TMEM165: variants seen among roughly 807,000 people sequenced by gnomAD.
TMEM165 encodes transmembrane protein 165.
Under a neutral mutation model 30.0 loss-of-function variants are expected in TMEM165, and 19 were observed. That is an observed-to-expected ratio of 0.63 (90% CI 0.44 to 0.93). The LOEUF (loss-of-function observed/expected upper bound fraction) is 0.93, where lower values mean the gene tolerates loss of function less well. TMEM165 is among the 40% of genes least tolerant of loss of function. The probability of loss-of-function intolerance (pLI) is 0.00; values close to 1 mark genes in which losing one functional copy is unlikely to be tolerated. For synonymous variants in TMEM165, 168 were observed against 162.9 expected, an observed-to-expected ratio of 1.03 and a Z score of -0.24; for missense variants, 340 against 417.0, an observed-to-expected ratio of 0.82 and a Z score of 1.61.
chr4:55,408,235 A>T (rs1350977761), intron 1 of TMEM165, among the ~76,000 whole-genome samples: 6 of 152,260 alleles, frequency 3.9e-5, no homozygotes, highest in Admixed American at 3.9e-4. Context: ...CCAGCTTAGT[A>T]TGTAACAAGC....
chr4:55,417,371 C>A, intron 3 of TMEM165, 124 bp downstream of exon 3: 2 of 980,154 alleles, frequency 2.0e-6, no homozygotes, highest in Non-Finnish European at 2.9e-6. Context: ...GCTTCTTTTG[C>A]TTTGTTCTGT....
In TMEM165 at chr4:55,400,043, CTA is replaced by C. The variant is rs1414635280; in HGVS notation, c.207+3649_207+3650del. ...TTTTTTTTTTAGAGACAGGGTCTCA[CTA>C]TGTTGCTCAGCCTGCCCTCAAACTC... On this transcript the variant is annotated intron_variant, in intron 1 of 5. Coordinates refer to ENST00000381334, the MANE Select transcript of TMEM165 (RefSeq NM_018475.5). Among the ~76,000 whole-genome samples the C allele has an allele frequency of 2.1e-5, 3 of 139,894 alleles. No individual in the cohort carries two copies. The East Asian group carries it at 6.2e-4, about 29-fold the overall frequency. The allele number at this position is 139,894 out of a possible 152,430, so 91.8% of individuals were successfully genotyped here.
intron 3 of TMEM165, among the ~76,000 whole-genome samples, chr4:55,450,781 AC>A (rs957198561): frequency 6.1e-5 from 9 of 148,076 alleles, no homozygotes; most frequent in African/African-American, 2.2e-4. Context: ...AAAAAAAAAA[AC>A]ATTAACTCAA....
At chr4:55,430,386 A>G (rs1338595112), downstream of TMEM165, 1 of 152,216 alleles carries the variant, frequency 6.6e-6, no homozygotes, top group Non-Finnish European at 1.5e-5. Context: ...TAGTGTTATG[A>G]CATAGGGGGA....
intron 3 of TMEM165, chr4:55,435,129 T>G (rs888600636): frequency 4.8e-6 from 2 of 413,888 alleles, no homozygotes; most frequent in African/African-American, 4.1e-5. Flanking sequence ...TAGCTGAGCT[T>G]CTTAATATTT....
At chr4:55,423,896 G>C (rs1722090489) in intron 4 of TMEM165, 1 of 152,506 alleles carries the variant, frequency 6.6e-6, no homozygotes, top group Non-Finnish European at 1.5e-5. Context: ...TGGTTGTCTG[G>C]TACTGCTGGC....
intron 4 of TMEM165, among the ~76,000 whole-genome samples, chr4:55,420,896 TTTTTTC>T (rs1171589501): frequency 2.0e-5 from 3 of 152,252 alleles, no homozygotes; most frequent in East Asian, 3.9e-4. Context: ...TGTCGTTTTG[TTTTTTC>T]TTTTTAAGAC....
At chr4:55,402,554 TCTCATGC>T (rs1721065702) in intron 1 of TMEM165, among the ~76,000 whole-genome samples, 2 of 137,880 alleles carry the variant, frequency 1.5e-5, no homozygotes, top group African/African-American at 5.8e-5. Flanking sequence ...TTCATGCAAT[TCTCATGC>T]CTCAGCCTCC....
At chr4:55,443,933 A>G (rs777310240) in intron 3 of TMEM165, 2 of 1,574,068 alleles carry the variant, frequency 1.3e-6, no homozygotes, top group Non-Finnish European at 1.7e-6. Flanking sequence ...TGAGCTTTGT[A>G]GATTGAAAAG....
At chr4:55,420,207 C>G (rs929791635) in intron 4 of TMEM165, among the ~76,000 whole-genome samples, 1 of 146,240 alleles carries the variant, frequency 6.8e-6, no homozygotes, top group South Asian at 2.3e-4. Context: ...CTTTTATTGG[C>G]TCTCAGATTG....
intron 3 of TMEM165, chr4:55,435,043 A>C (rs1432840940): frequency 3.1e-6 from 1 of 321,220 alleles, no homozygotes; most frequent in Non-Finnish European, 6.1e-6. Flanking sequence ...CCTCTGTAAC[A>C]CTTGATAAGA....
In TMEM165 at chr4:55,411,746, T is replaced by A. The variant is rs1721507523; in HGVS notation, c.340T>A (p.Phe114Ile). 6.2e-7 allele frequency: 1 copy of A among 1,614,218 alleles called. No individual in the cohort carries two copies. Among genetic ancestry groups the A allele is most frequent in the East Asian group, 2.2e-5 (1 of 44,880 alleles). Residue 114 changes from phenylalanine to isoleucine, a missense_variant, in exon 2 of 6, where the codon TTT (phenylalanine) becomes ATT (isoleucine). Physicochemically the swap from Phe to Ile is conservative, Grantham distance 21 (BLOSUM62 0). Transcript: ENST00000381334. ...TGTATCTGAATTGGGTGATAAGACA[T>A]TTTTTATAGCAGCCATCATGGCAAT... ...IIVSELGDKT[F>I]FIAAIMAMRY...
Position 55,442,736 on chromosome 4 carries a change from AAAG to A in TMEM165, c.409-9499_409-9497del, listed in dbSNP as rs1454646498. The A allele has an allele frequency of 6.8e-6, 7 of 1,035,876 alleles. No individual in the cohort carries two copies. The African/African-American group carries it at 9.5e-5, about 14-fold the overall frequency. The allele number at this position is 1,035,876 out of a possible 1,614,324, so 64.2% of individuals were successfully genotyped here. A position where few individuals can be genotyped will look rare whatever the true frequency, so the allele number is the denominator to read the frequency against. Reference sequence around the variant, plus strand: ...CTAACAATATGACAATATGACAGAGAAAGAAGTGGCAGGATATATTACTCTGGG... The same window carrying A: ...CTAACAATATGACAATATGACAGAGAAAGTGGCAGGATATATTACTCTGGG... On this transcript the variant is annotated intron_variant, in intron 3 of 3. Coordinates refer to the TMEM165 transcript ENST00000608091.
intron 1 of TMEM165, among the ~76,000 whole-genome samples, chr4:55,406,537 C>A (rs780029386): frequency 6.6e-5 from 10 of 152,186 alleles, no homozygotes; most frequent in Non-Finnish European, 1.3e-4. Flanking sequence ...TTCAAAATAT[C>A]TTAATGATTT....
At chr4:55,427,378 T>C (rs1560400722), downstream of TMEM165, among the ~76,000 whole-genome samples, 2 of 149,942 alleles carry the variant, frequency 1.3e-5, no homozygotes, top group African/African-American at 2.5e-5. Flanking sequence ...TATCTCACTC[T>C]GTCACCTGGG....
At chr4:55,431,058 G>A (rs1368250798), downstream of TMEM165, 1 of 152,148 alleles carries the variant, frequency 6.6e-6, no homozygotes, top group Non-Finnish European at 1.5e-5. Context: ...CTTTAGAAAT[G>A]GTTAACGCCT....
chr4:55,445,780 A>G (rs13121235), intron 3 of TMEM165, among the ~76,000 whole-genome samples: 88,023 of 150,652 alleles, frequency 0.58, 27,311 homozygotes, highest in South Asian at 0.81. Flanking sequence ...TTTTCTTGTA[A>G]AAATAGGGTC....
downstream of TMEM165, chr4:55,430,872 A>G (rs1384124238): frequency 3.3e-5 from 5 of 152,182 alleles, no homozygotes; most frequent in Non-Finnish European, 7.4e-5. Flanking sequence ...TAGTGTTTAA[A>G]TCAAACTAGG....
chr4:55,411,500 A>ATT, intron 1 of TMEM165, 114 bp from the exon 2 acceptor site: 1 of 891,058 alleles, frequency 1.1e-6, no homozygotes, highest in South Asian at 1.6e-5. Context: ...TAGACAGTAA[A>ATT]TAAGTGTAAT....
Sources: allele counts gnomAD v4.1 joint callset (sites outside exome capture counted in the v4.1 genomes callset), GRCh38; gene constraint gnomAD v4.1.1; transcripts MANE v1.5; gene names NCBI Gene and HGNC (gene_info 2026-07-23, HGNC 2026-07-21).